Variants in PATJ observed in about 807,000 individuals in gnomAD.
The protein encoded by PATJ is PATJ crumbs cell polarity complex component, also known as inaD-like protein.
Under a neutral mutation model 224.9 loss-of-function variants are expected in PATJ, and 190 were observed. The ratio of observed to expected loss-of-function variants is 0.84; its 90% CI spans 0.75 to 0.95. The LOEUF is 0.95. Ranked by LOEUF, PATJ falls within the 40% of genes least tolerant of loss-of-function variation. PATJ has a pLI of 0.00. For missense variants in PATJ, 2,121 were observed against 2,270.3 expected (o/e 0.93, Z 1.34); for synonymous variants, 769 against 820.3 (o/e 0.94, Z 1.07).
At chr1:62,081,253 A>T (rs1366293508) in intron 32 of PATJ, among the ~76,000 whole-genome samples, 2 of 152,174 alleles carry the variant, frequency 1.3e-5, no homozygotes, top group Admixed American at 1.3e-4. Context: ...TTTCATTCTC[A>T]TGGTTAAATA....
At chr1:61,902,591 A>G (rs954978066) in intron 24 of PATJ, among the ~76,000 whole-genome samples, 3 of 152,210 alleles carry the variant, frequency 2.0e-5, no homozygotes, top group Non-Finnish European at 2.9e-5. Flanking sequence ...GCTTGTCTGT[A>G]TATACAAATG....
intron 33 of PATJ, among the ~76,000 whole-genome samples, chr1:62,091,538 G>C (rs1300996814): frequency 4.6e-5 from 7 of 152,216 alleles, no homozygotes; most frequent in Non-Finnish European, 8.8e-5. Flanking sequence ...AACTTTGTCT[G>C]TGTGTCTTTG....
At chr1:61,791,032 C>G (rs1406911657) in intron 8 of PATJ, among the ~76,000 whole-genome samples, 4 of 152,152 alleles carry the variant, frequency 2.6e-5, no homozygotes, top group African/African-American at 9.7e-5. Context: ...CACGTGACTC[C>G]CTCCATCTTC....
chr1:61,762,946 T>G, intron 2 of PATJ, 32 bp downstream of exon 2: 1 of 1,505,310 alleles, frequency 6.6e-7, no homozygotes, highest in Non-Finnish European at 9.1e-7. Flanking sequence ...ATAATTAAAT[T>G]AATTATTTAA....
At chr1:62,125,254 C>CAAAAAAAAAAAAAAAA (rs779305398) in intron 39 of PATJ, among the ~76,000 whole-genome samples, 3 of 71,416 alleles carry the variant, frequency 4.2e-5, no homozygotes, top group Admixed American at 1.9e-4. Context: ...AAAAAAAAAA[C>CAAAAAAAAAAAAAAAA]AAAAAAAAAC....
intron 31 of PATJ, among the ~76,000 whole-genome samples, chr1:62,068,744 C>T (rs1656907674): frequency 6.6e-6 from 1 of 152,206 alleles, no homozygotes. Context: ...TCAGAAGCTC[C>T]TTCACTTGAT....
chr1:61,767,803 A>G (rs1646370439), intron 4 of PATJ, among the ~76,000 whole-genome samples: 1 of 151,024 alleles, frequency 6.6e-6, no homozygotes, highest in South Asian at 2.1e-4. Context: ...CAGCTTCCCG[A>G]GTAGCTGGGA....
Position 62,096,696 on chromosome 1 carries a change from A to G in PATJ, c.4378-11741A>G, listed in dbSNP as rs142343231. On this transcript the variant is annotated intron_variant, in intron 33 of 43. Transcript: ENST00000642238. ...AATGGCGCGATCTCAGCTCACTGCA[A>G]CCTCCTCCTCCCGGGTTCAAGTGAT... Among the ~76,000 whole-genome samples, 896 of 151,944 alleles carry G rather than the reference A, an allele frequency of 5.9e-3. 11 individuals are homozygous for G. Among genetic ancestry groups the G allele is most frequent in the African/African-American group, 0.021 (851 of 41,460 alleles).
intron 41 of PATJ, among the ~76,000 whole-genome samples, chr1:62,146,179 G>A (rs1254215854): frequency 6.6e-6 from 1 of 152,030 alleles, no homozygotes. Context: ...AAGTGCTGAG[G>A]TGGGGATGCG....
chr1:62,084,443 C>T, intron 32 of PATJ, 72 bp from the exon 33 acceptor site: 2 of 1,508,802 alleles, frequency 1.3e-6, no homozygotes, highest in Non-Finnish European at 1.8e-6. Context: ...CCCACACTCC[C>T]CACGTGATGG....
chr1:61,864,413 T>G lies in PATJ; in HGVS notation c.2615T>G (p.Val872Gly), dbSNP rs777052406. Residue 872 changes from valine (V) to glycine (G), a missense_variant, in exon 20 of 44, where the codon GTT becomes GGT. Coordinates refer to ENST00000642238, the MANE Select transcript of PATJ (RefSeq NM_001350145.3). ...ATGGATGAAGAAAGAGAAATTCTTG[T>G]TGATGAAGAATATGAGTTATATCAA... ...QEMDEEREIL[V>G]DEEYELYQDP... is the part of the protein sequence containing the mutation. 1.2e-6 allele frequency: 2 copies of G among 1,613,828 alleles called. No individual in the cohort carries two copies. The highest frequency in any genetic ancestry group is 1.7e-6 in the Non-Finnish European group (2 of 1,179,706).
intron 31 of PATJ, among the ~76,000 whole-genome samples, chr1:62,069,122 C>T (rs1196626646): frequency 6.6e-6 from 1 of 152,146 alleles, no homozygotes; most frequent in Admixed American, 6.5e-5. Flanking sequence ...ATGACTTGTT[C>T]TGACCTGATA....
chr1:62,117,902 G>A lies in PATJ; in HGVS notation c.4890+684G>A, dbSNP rs992779635. Among the ~76,000 whole-genome samples the A allele has an allele frequency of 7.2e-5, 11 of 152,120 alleles. No individual in the cohort carries two copies. In the East Asian group the frequency reaches 1.5e-3, roughly 21 times the overall value. ...TGTGACCCCTAAGTCTCCTCTCTGG[G>A]TTATGGATAGGCCGCCTTAGTTTTG... On this transcript the variant is annotated intron_variant, in intron 37 of 43. Coordinates refer to ENST00000642238, the MANE Select transcript of PATJ (RefSeq NM_001350145.3).
intron 6 of PATJ, 128 bp from the exon 7 acceptor site, chr1:61,775,078 T>C: frequency 1.1e-6 from 1 of 926,178 alleles, no homozygotes; most frequent in South Asian, 1.9e-5. Context: ...CTGTAGAACA[T>C]TGCCTTGATT....
In PATJ at chr1:61,820,778, A is replaced by G. The variant is rs111494490; in HGVS notation, c.1684-2167A>G. Among the ~76,000 whole-genome samples, 574 of 152,334 alleles carry G rather than the reference A, an allele frequency of 3.8e-3. 7 individuals are homozygous for G. Among genetic ancestry groups the G allele is most frequent in the African/African-American group, 0.013 (546 of 41,572 alleles). ...CCCAGCACCGCACTGGGGATGAGCT[A>G]TGGTGGATCCACTGGCAACTCTTTG... On this transcript the variant is annotated intron_variant, in intron 14 of 43. Transcript: ENST00000642238.
At chr1:62,098,795 C>A (rs1331747341) in intron 33 of PATJ, among the ~76,000 whole-genome samples, 1 of 152,016 alleles carries the variant, frequency 6.6e-6, no homozygotes, top group Non-Finnish European at 1.5e-5. Context: ...AATAGGGAAG[C>A]TTTTTAAAAT....
At chr1:61,785,506 TTG>T (rs971190387) in intron 7 of PATJ, among the ~76,000 whole-genome samples, 6 of 152,212 alleles carry the variant, frequency 3.9e-5, no homozygotes, top group African/African-American at 1.4e-4. Flanking sequence ...GTCAAACTGT[TTG>T]TATCTCAATT....
intron 14 of PATJ, among the ~76,000 whole-genome samples, chr1:61,813,548 T>A (rs769498640): frequency 6.6e-6 from 1 of 151,766 alleles, no homozygotes; most frequent in Non-Finnish European, 1.5e-5. Flanking sequence ...ATATGTACAC[T>A]GTGCTAGGTC....
At chr1:62,000,386 C>T (rs1245377508) in intron 28 of PATJ, among the ~76,000 whole-genome samples, 1 of 139,454 alleles carries the variant, frequency 7.2e-6, no homozygotes, top group Non-Finnish European at 1.5e-5. Context: ...TGTGATGTTC[C>T]CCTTCCTGTG....
Sources: gnomAD v4.1 joint callset for allele counts (sites outside exome capture counted in the v4.1 genomes callset) on GRCh38, gnomAD v4.1.1 for gene constraint, MANE v1.5 for transcripts, NCBI Gene and HGNC (gene_info 2026-07-23, HGNC 2026-07-21) for gene names.